The following PSD3 variants were observed in gnomAD, a reference collection of about 807,000 sequenced individuals.
PSD3 encodes the protein PH and SEC7 domain-containing protein 3.
PSD3 carries 49 observed loss-of-function variants against 105.5 expected under a neutral mutation model. The observed-to-expected ratio is 0.46, with a 90% CI of 0.37 to 0.59. PSD3 has a LOEUF of 0.59. Ranked by LOEUF, PSD3 falls within the 20% of genes least tolerant of loss-of-function variation. The pLI is 0.00. For missense variants in PSD3, 1,561 were observed against 1,263.8 expected (o/e 1.24, Z -3.57); for synonymous variants, 557 against 457.8 (o/e 1.22, Z -2.77).
At chr8:18,704,630 A>T (rs1183430694) in intron 9 of PSD3, among the ~76,000 whole-genome samples, 1 of 152,160 alleles carries the variant, frequency 6.6e-6, no homozygotes, top group Non-Finnish European at 1.5e-5. Context: ...GTGAGCCACC[A>T]TGTCTGGCCC....
At chr8:18,954,072 C>A (rs925034964) in intron 1 of PSD3, among the ~76,000 whole-genome samples, 2 of 152,064 alleles carry the variant, frequency 1.3e-5, no homozygotes, top group African/African-American at 4.8e-5. Context: ...TTGGTACAGG[C>A]CATTTAATGT....
chr8:18,792,120 G>A (rs2129446434), intron 8 of PSD3, among the ~76,000 whole-genome samples: 1 of 152,256 alleles, frequency 6.6e-6, no homozygotes, highest in East Asian at 1.9e-4. Context: ...GTTGGTGGGA[G>A]TGTAAATTAG....
chr8:18,610,840 C>G (rs1178480137), intron 11 of PSD3, among the ~76,000 whole-genome samples: 1 of 152,104 alleles, frequency 6.6e-6, no homozygotes, highest in African/African-American at 2.4e-5. Context: ...CAGAAAGTAT[C>G]ATAAACTGGG....
At chr8:18,893,115 A>C (rs1818918585) in intron 2 of PSD3, among the ~76,000 whole-genome samples, 1 of 152,170 alleles carries the variant, frequency 6.6e-6, no homozygotes, top group South Asian at 2.1e-4. Context: ...TCAAGATGGC[A>C]TAAAACACGG....
intron 4 of PSD3, among the ~76,000 whole-genome samples, chr8:18,828,019 TACATATAC>T (rs1319295509): frequency 6.9e-5 from 10 of 144,446 alleles, no homozygotes; most frequent in African/African-American, 2.5e-4. Flanking sequence ...AATTTATATA[TACATATAC>T]ATATATATAA....
intron 1 of PSD3, among the ~76,000 whole-genome samples, chr8:18,955,168 T>A (rs951676464): frequency 9.9e-5 from 15 of 152,072 alleles, no homozygotes; most frequent in African/African-American, 2.7e-4. Flanking sequence ...TGAAGAAGAT[T>A]CCCCCGGCAT....
chr8:18,666,776 G>A (rs1189741995), intron 9 of PSD3, among the ~76,000 whole-genome samples: 2 of 151,432 alleles, frequency 1.3e-5, no homozygotes, highest in Non-Finnish European at 2.9e-5. Context: ...GCTGGCAAAT[G>A]TTCAAGTATG....
At chr8:18,783,736 G>A (rs1808860725) in intron 8 of PSD3, among the ~76,000 whole-genome samples, 2 of 152,282 alleles carry the variant, frequency 1.3e-5, no homozygotes, top group East Asian at 3.9e-4. Context: ...TGGGTCAAGT[G>A]ATTCTCTCAC....
chr8:18,858,338 A>T (rs1168429502), intron 4 of PSD3, among the ~76,000 whole-genome samples: 5 of 152,172 alleles, frequency 3.3e-5, no homozygotes, highest in African/African-American at 1.2e-4. Flanking sequence ...TCATCTGAGT[A>T]CTCAGCAAGT....
At position 18,992,590 on chromosome 8, in the gene PSD3, A is replaced by G. The variant is rs1825863145; in HGVS notation, c.21+20973T>C. ...GAAAATCACTGAACTCCAAGTTCAG[A>G]TAAGATAACCAAAAAGGACTCAAGT... On this transcript the variant is annotated intron_variant, in intron 1 of 15. Coordinates refer to ENST00000327040, the MANE Select transcript of PSD3 (RefSeq NM_015310.4). Among the ~76,000 whole-genome samples the G allele has an allele frequency of 2.0e-5, 3 of 152,312 alleles. No individual in the cohort carries two copies. The South Asian group carries it at 6.2e-4, about 32-fold the overall frequency.
chr8:18,934,035 C>T (rs1274053623), intron 2 of PSD3, among the ~76,000 whole-genome samples: 1 of 152,038 alleles, frequency 6.6e-6, no homozygotes, highest in Admixed American at 6.5e-5. Context: ...ATCTAAGAGT[C>T]CCCAACTATT....
intron 9 of PSD3, among the ~76,000 whole-genome samples, chr8:18,750,899 C>A (rs914931635): frequency 6.6e-6 from 1 of 152,052 alleles, no homozygotes; most frequent in South Asian, 2.1e-4. Context: ...TACAGAGTGC[C>A]GACTGGTGTA....
chr8:18,682,382 C>T (rs985852212), intron 9 of PSD3, among the ~76,000 whole-genome samples: 3 of 152,208 alleles, frequency 2.0e-5, no homozygotes, highest in Non-Finnish European at 4.4e-5. Flanking sequence ...TGCTCACATA[C>T]ATTTATTTAA....
intron 2 of PSD3, among the ~76,000 whole-genome samples, chr8:18,897,517 T>A (rs1489795176): frequency 6.6e-6 from 1 of 152,220 alleles, no homozygotes; most frequent in African/African-American, 2.4e-5. Context: ...ATTTTAGGAC[T>A]GTTTTTTCTA....
At position 18,527,816 on chromosome 8, in the gene PSD3, C is replaced by T. The variant is rs1050218362; in HGVS notation, c.*7927G>A. ...AGGTTTCCAGTACGTGTTATAGTACCGCCAGCTTACCCAAAACTGCTAATG... is the reference window on the plus strand; with the variant it reads ...AGGTTTCCAGTACGTGTTATAGTACTGCCAGCTTACCCAAAACTGCTAATG... On this transcript the variant is annotated 3_prime_UTR_variant, in exon 16 of 16. Coordinates refer to ENST00000327040, the MANE Select transcript of PSD3 (RefSeq NM_015310.4). 1 of 152,254 alleles carries T rather than the reference C, an allele frequency of 6.6e-6. No homozygotes were observed. Among genetic ancestry groups the T allele is most frequent in the South Asian group, 2.1e-4 (1 of 4,818 alleles). The allele number at this position is 152,254 out of a possible 1,614,324, so 9.4% of individuals were successfully genotyped here.
At chr8:18,894,335 T>G (rs908064095) in intron 2 of PSD3, among the ~76,000 whole-genome samples, 1 of 152,162 alleles carries the variant, frequency 6.6e-6, no homozygotes, top group African/African-American at 2.4e-5. Flanking sequence ...AAGCGGCACA[T>G]GAAAACCTCA....
At chr8:18,894,511 T>C (rs1413453305) in intron 2 of PSD3, among the ~76,000 whole-genome samples, 1 of 152,128 alleles carries the variant, frequency 6.6e-6, no homozygotes, top group Non-Finnish European at 1.5e-5. Flanking sequence ...GCAAAAGATG[T>C]CAGTAATTTA....
intron 4 of PSD3, among the ~76,000 whole-genome samples, chr8:18,860,155 G>A (rs997835789): frequency 4.6e-5 from 7 of 152,216 alleles, no homozygotes; most frequent in Middle Eastern, 3.4e-3. Context: ...AGGGAGGCCC[G>A]AGAAGAGGGA....
intron 12 of PSD3, among the ~76,000 whole-genome samples, chr8:18,576,798 T>A (rs1802487060): frequency 6.6e-6 from 1 of 152,028 alleles, no homozygotes; most frequent in African/African-American, 2.4e-5. Context: ...TTGAGGGAAT[T>A]TATATGCCAC....
Sources: gnomAD v4.1 joint callset for allele counts (sites outside exome capture counted in the v4.1 genomes callset) on GRCh38, gnomAD v4.1.1 for gene constraint, MANE v1.5 for transcripts, NCBI Gene and HGNC (gene_info 2026-07-23, HGNC 2026-07-21) for gene names.